Variants in FAT3 observed in about 807,000 individuals in gnomAD.
FAT3 encodes protocadherin Fat 3.
In FAT3, 95 loss-of-function variants were observed where a neutral mutation model predicts 310.2. That is an observed-to-expected ratio of 0.31 (90% CI 0.26 to 0.36). FAT3 has a LOEUF of 0.36. Ranked by LOEUF, FAT3 falls within the 10% of genes least tolerant of loss-of-function variation. The probability of loss-of-function intolerance (pLI) is 1.00; values close to 1 mark genes in which losing one functional copy is unlikely to be tolerated. For missense variants in FAT3, 5,408 were observed against 5,715.6 expected (o/e 0.95, Z 1.74); for synonymous variants, 2,314 against 2,192.9 (o/e 1.06, Z -1.54).
intron 3 of FAT3, among the ~76,000 whole-genome samples, chr11:92,575,650 G>C (rs1450181684): frequency 6.6e-6 from 1 of 152,038 alleles, no homozygotes; most frequent in Non-Finnish European, 1.5e-5. Flanking sequence ...TTATAATTTA[G>C]TGATAAGCAT....
intron 4 of FAT3, among the ~76,000 whole-genome samples, chr11:92,708,834 G>C (rs773912436): frequency 6.6e-6 from 1 of 152,144 alleles, no homozygotes; most frequent in Admixed American, 6.5e-5. Flanking sequence ...ATCAGCTTCC[G>C]CTGGCCACCA....
intron 14 of FAT3, among the ~76,000 whole-genome samples, chr11:92,834,322 ACTATAC>A (rs1948342137): frequency 6.6e-6 from 1 of 152,172 alleles, no homozygotes. Flanking sequence ...CTATTCTGTC[ACTATAC>A]CTTGAGATTT....
intron 1 of FAT3, among the ~76,000 whole-genome samples, chr11:92,350,967 T>C (rs1948548238): frequency 6.6e-6 from 1 of 152,170 alleles, no homozygotes; most frequent in African/African-American, 2.4e-5. Flanking sequence ...GACTTAACTT[T>C]TTCTTGTTGA....
intron 2 of FAT3, among the ~76,000 whole-genome samples, chr11:92,511,468 A>T (rs185416458): frequency 6.6e-6 from 1 of 152,246 alleles, no homozygotes; most frequent in East Asian, 1.9e-4. Flanking sequence ...ACCAAATGTT[A>T]TGATGTTATC....
At chr11:92,615,413 A>C (rs1001468543) in intron 3 of FAT3, among the ~76,000 whole-genome samples, 1 of 151,886 alleles carries the variant, frequency 6.6e-6, no homozygotes, top group Admixed American at 6.6e-5. Flanking sequence ...CGCCTGGCTA[A>C]TTTTTGTATT....
chr11:92,659,435 T>C (rs921524450), intron 3 of FAT3, among the ~76,000 whole-genome samples: 2 of 152,236 alleles, frequency 1.3e-5, no homozygotes, highest in African/African-American at 4.8e-5. Context: ...AATTACTTTT[T>C]TACTGCTTTG....
At chr11:92,595,922 T>A (rs2135572826) in intron 3 of FAT3, among the ~76,000 whole-genome samples, 1 of 152,208 alleles carries the variant, frequency 6.6e-6, no homozygotes, top group African/African-American at 2.4e-5. Context: ...ACAGAAAGGG[T>A]AATTGACACC....
chr11:92,619,827 CT>C (rs1941000060), intron 3 of FAT3, among the ~76,000 whole-genome samples: 1 of 151,828 alleles, frequency 6.6e-6, no homozygotes, highest in African/African-American at 2.4e-5. Flanking sequence ...TTGTTGACTT[CT>C]TTTTTTCTAT....
chr11:92,598,736 T>A lies in FAT3; in HGVS notation c.3607+73788T>A, dbSNP rs1224899992. 3.9e-5 allele frequency among the ~76,000 whole-genome samples: 6 copies of A among 152,172 alleles called. No homozygotes were observed. In the East Asian group the frequency reaches 1.2e-3, roughly 29 times the overall value. ...TTGGCAAGTTGGACTTTGGAGTTAG[T>A]CTGTAGTTGAGGCCTGGCTCTTTTA... On this transcript the variant is annotated intron_variant, in intron 3 of 27. Transcript: ENST00000525166.
intron 3 of FAT3, among the ~76,000 whole-genome samples, chr11:92,551,414 T>TTTGTGTGTGTG (rs139398937): frequency 7.8e-6 from 1 of 128,876 alleles, no homozygotes; most frequent in African/African-American, 2.9e-5. Context: ...TTTTTTTGTT[T>TTTGTGTGTGTG]TGTGTGTGTG....
At chr11:92,819,923 C>T (rs1338657484) in intron 13 of FAT3, among the ~76,000 whole-genome samples, 11 of 152,170 alleles carry the variant, frequency 7.2e-5, no homozygotes, top group Admixed American at 2.0e-4. Flanking sequence ...AATATTCCTC[C>T]GTTATGGTAG....
chr11:92,794,075 C>T (rs534588788), intron 9 of FAT3, among the ~76,000 whole-genome samples: 2 of 152,172 alleles, frequency 1.3e-5, no homozygotes, highest in South Asian at 2.1e-4. Flanking sequence ...GCAAAGTTTC[C>T]GGAGAGAATT....
At chr11:92,705,210 T>C (rs1944233613) in intron 4 of FAT3, among the ~76,000 whole-genome samples, 1 of 152,192 alleles carries the variant, frequency 6.6e-6, no homozygotes, top group African/African-American at 2.4e-5. Context: ...TTCATGTCAT[T>C]CTTAAATAAT....
intron 3 of FAT3, among the ~76,000 whole-genome samples, chr11:92,573,785 G>A (rs1392714741): frequency 6.6e-6 from 1 of 152,056 alleles, no homozygotes; most frequent in East Asian, 1.9e-4. Flanking sequence ...AGCCTCCAGA[G>A]TGAACCAAAC....
At chr11:92,378,155 C>T (rs1213034845) in intron 2 of FAT3, among the ~76,000 whole-genome samples, 1 of 152,132 alleles carries the variant, frequency 6.6e-6, no homozygotes, top group Non-Finnish European at 1.5e-5. Flanking sequence ...TTTTAGCTTA[C>T]ATTTATGGCT....
intron 1 of FAT3, among the ~76,000 whole-genome samples, chr11:92,329,709 T>G (rs1361260642): frequency 0.05 from 6 of 120 alleles, no homozygotes; most frequent in Non-Finnish European, 0.093. Context: ...CACTTAGCTT[T>G]TATTTAATAA....
chr11:92,793,356 G>C (rs1292693500), intron 9 of FAT3, among the ~76,000 whole-genome samples: 1 of 152,136 alleles, frequency 6.6e-6, no homozygotes, highest in Non-Finnish European at 1.5e-5. Flanking sequence ...TCTGTGAATT[G>C]AATCTTAACA....
intron 2 of FAT3, among the ~76,000 whole-genome samples, chr11:92,427,566 T>C (rs1950664396): frequency 2.0e-5 from 3 of 152,078 alleles, no homozygotes. Flanking sequence ...CTATTGAGAG[T>C]TTTTAGAATG....
chr11:92,403,338 A>G (rs1009524640), intron 2 of FAT3: 4 of 152,124 alleles, frequency 2.6e-5, no homozygotes, highest in East Asian at 1.9e-4. Context: ...TAATTCAAGG[A>G]TTTTTCACTT....
Sources: gnomAD v4.1 joint callset for allele counts (sites outside exome capture counted in the v4.1 genomes callset) on GRCh38, gnomAD v4.1.1 for gene constraint, MANE v1.5 for transcripts, NCBI Gene and HGNC (gene_info 2026-07-23, HGNC 2026-07-21) for gene names.